The following CARF variants were observed in gnomAD, a reference collection of about 807,000 sequenced individuals.
CARF encodes the protein calcium-responsive transcription factor.
Under a neutral mutation model 82.0 loss-of-function variants are expected in CARF, and 57 were observed. That is an observed-to-expected ratio of 0.70 (90% CI 0.56 to 0.87). The LOEUF (loss-of-function observed/expected upper bound fraction) is 0.87, where lower values mean the gene tolerates loss of function less well. Among genes scored for constraint, CARF ranks in the 40% least tolerant of loss-of-function variants. CARF has a pLI of 0.00. For missense variants in CARF, 771 were observed against 855.8 expected (o/e 0.90, Z 1.24); for synonymous variants, 268 against 290.1 (o/e 0.92, Z 0.77).
In CARF at chr2:202,955,005, C is replaced by T. The variant is rs1424946023; in HGVS notation, c.558-669C>T. On this transcript the variant is annotated intron_variant, in intron 7 of 16. Transcript: ENST00000438828. Reference sequence around the variant, plus strand: ...CTCCAGCCTGGGTGACAGAGCGAGACGCTGTCTCGAAAAAAAAAAAAAATT... The same window carrying T: ...CTCCAGCCTGGGTGACAGAGCGAGATGCTGTCTCGAAAAAAAAAAAAAATT... 3.3e-5 allele frequency among the ~76,000 whole-genome samples: 5 copies of T among 150,476 alleles called. No individual in the cohort carries two copies. In the South Asian group the frequency reaches 6.3e-4, roughly 19 times the overall value.
rs1559175389 is a variant in CARF, at chr2:202,916,268, C to T, written c.-329-1609C>T. Among the ~76,000 whole-genome samples, 6 of 152,040 alleles carry T rather than the reference C, an allele frequency of 3.9e-5. No homozygotes were observed. The South Asian group carries it at 1.0e-3, about 26-fold the overall frequency. ...CAATCTTGGCTCCCTGCGACCTGTG[C>T]TTCCCAGGTTCAAGCGATTCTCCTG... is the stretch of plus-strand genomic sequence containing the variant. On this transcript the variant is annotated intron_variant, in intron 1 of 16. Coordinates refer to ENST00000438828, the MANE Select transcript of CARF (RefSeq NM_024744.17).
chr2:202,955,661 T>C lies in CARF; in HGVS notation c.558-13T>C. The stretch of plus-strand genomic sequence containing the variant: ...TGAACTGCATATTTATATATATTCC[T>C]CTCCTATCCCAGAATGCTGGAAGAA... On this transcript the variant is annotated splice_polypyrimidine_tract_variant and intron_variant, in intron 7 of 16. Transcript: ENST00000438828. 2 of 1,591,936 alleles carry C rather than the reference T, an allele frequency of 1.3e-6. No individual in the cohort carries two copies. Among genetic ancestry groups the C allele is most frequent in the Non-Finnish European group, 1.7e-6 (2 of 1,167,018 alleles).
intron 5 of CARF, among the ~76,000 whole-genome samples, chr2:202,943,272 C>T (rs2058320851): frequency 1.3e-5 from 2 of 152,106 alleles, no homozygotes; most frequent in African/African-American, 4.8e-5. Context: ...CAGGATTTCA[C>T]CATGTTGGCC....
rs1273801586 is a variant in CARF at position 202,955,761 on chromosome 2, G to C, written c.642+3G>C. The C allele has an allele frequency of 5.0e-6, 8 of 1,605,192 alleles. No individual in the cohort carries two copies. The African/African-American group carries it at 1.1e-4, about 22-fold the overall frequency. Reference sequence around the variant, plus strand: ...CCTGCCGTCTTAGGAGCTGTGAGGTGAGTTATAAATAATCATTACCTAGAA... The same window carrying C: ...CCTGCCGTCTTAGGAGCTGTGAGGTCAGTTATAAATAATCATTACCTAGAA... On this transcript the variant is annotated splice_donor_region_variant and intron_variant, in intron 8 of 16. Coordinates refer to ENST00000438828, the MANE Select transcript of CARF (RefSeq NM_024744.17).
chr2:202,955,785 A>G, intron 8 of CARF, 27 bp downstream of exon 8: 2 of 1,561,446 alleles, frequency 1.3e-6, no homozygotes, highest in Non-Finnish European at 1.8e-6. Flanking sequence ...CATTACCTAG[A>G]ATTACTTAAC....
chr2:202,946,825 A>G (rs74734815), intron 5 of CARF, among the ~76,000 whole-genome samples: 1 of 152,206 alleles, frequency 6.6e-6, no homozygotes, highest in Middle Eastern at 3.2e-3. Context: ...GGCAAAGGAT[A>G]TGAAAAGACA....
chr2:202,924,850 C>G (rs1266173567), intron 3 of CARF: 1 of 194,686 alleles, frequency 5.1e-6, no homozygotes, highest in Non-Finnish European at 1.1e-5. Flanking sequence ...CACAGTGACC[C>G]AGAGCCTCCC....
intron 3 of CARF, among the ~76,000 whole-genome samples, chr2:202,930,301 CT>C (rs1250905351): frequency 6.6e-6 from 1 of 152,232 alleles, no homozygotes; most frequent in East Asian, 1.9e-4. Context: ...CCTGCCTTGG[CT>C]TTCCAAAGTG....
At chr2:202,942,666 T>C in intron 4 of CARF, 74 bp from the exon 5 acceptor site, 3 of 1,200,966 alleles carry the variant, frequency 2.5e-6, no homozygotes, top group Non-Finnish European at 3.4e-6. Flanking sequence ...AATGGATGTC[T>C]TTTCATTTTT....
chr2:202,916,179 T>C (rs1012917983), intron 1 of CARF, among the ~76,000 whole-genome samples: 2 of 151,604 alleles, frequency 1.3e-5, no homozygotes, highest in Non-Finnish European at 2.9e-5. Flanking sequence ...TATTTATTTA[T>C]TTATTTATTT....
At chr2:202,982,478 C>A (rs751894102) in intron 16 of CARF, 37 bp downstream of exon 16, 4 of 1,606,234 alleles carry the variant, frequency 2.5e-6, no homozygotes, top group Non-Finnish European at 1.7e-6. Flanking sequence ...ATTGTTGTAA[C>A]CTTTGTGGAT....
intron 1 of CARF, among the ~76,000 whole-genome samples, chr2:202,914,256 T>G (rs1430419965): frequency 1.3e-5 from 2 of 152,204 alleles, no homozygotes; most frequent in Non-Finnish European, 2.9e-5. Flanking sequence ...TACATTTCTC[T>G]TTATTATAAA....
Position 202,971,499 on chromosome 2 carries a change from T to G in CARF, c.1098-6T>G, listed in dbSNP as rs775048637. The G allele has an allele frequency of 1.3e-6, 2 of 1,524,622 alleles. No homozygotes were observed. The highest frequency in any genetic ancestry group is 3.5e-5 in the Admixed American group (2 of 57,424). The allele number at this position is 1,524,622 out of a possible 1,614,324, so 94.4% of individuals were successfully genotyped here. On this transcript the variant is annotated splice_polypyrimidine_tract_variant and splice_region_variant and intron_variant, in intron 11 of 16. Transcript: ENST00000438828. ...TTTAGTAATTTTAAATATTTTCTCT[T>G]ACCAGGTGGTATGTACAGTTACCTA...
intron 9 of CARF, among the ~76,000 whole-genome samples, chr2:202,964,732 T>C (rs1260279059): frequency 2.0e-5 from 3 of 151,978 alleles, no homozygotes; most frequent in Non-Finnish European, 2.9e-5. Flanking sequence ...CAATCTTGTC[T>C]CATACCCCTT....
Position 202,953,222 on chromosome 2 carries a change from G to A in CARF, c.427+543G>A, listed in dbSNP as rs575915370. The stretch of plus-strand genomic sequence containing the variant: ...GTAGAGACGAGGCTTCACCATGTTG[G>A]CCAGACTGGTCTTGAACTCCTGACC... On this transcript the variant is annotated intron_variant, in intron 6 of 16. Coordinates refer to ENST00000438828, the MANE Select transcript of CARF (RefSeq NM_024744.17). Among the ~76,000 whole-genome samples the A allele has an allele frequency of 3.9e-5, 6 of 152,092 alleles. No homozygotes were observed. In the South Asian group the frequency reaches 1.0e-3, roughly 26 times the overall value.
chr2:202,973,295 T>C (rs975033434), intron 12 of CARF, among the ~76,000 whole-genome samples: 1 of 152,212 alleles, frequency 6.6e-6, no homozygotes, highest in Non-Finnish European at 1.5e-5. Flanking sequence ...GTAAAGCCAT[T>C]CACTATTTAC....
rs139715346 is a variant in CARF at position 202,934,179 on chromosome 2, A to T, written c.-43-7681A>T. Among the ~76,000 whole-genome samples, 14 of 152,156 alleles carry T rather than the reference A, an allele frequency of 9.2e-5. 1 individual carries two copies. The East Asian group carries it at 2.7e-3, about 29-fold the overall frequency. ...GGACAAGCTTAGTTTAAAGGCTATA[A>T]ATTTCCCTTGAAATTTTATATTAGC... is the stretch of plus-strand genomic sequence containing the variant. On this transcript the variant is annotated intron_variant, in intron 3 of 16. Transcript: ENST00000438828.
intron 1 of CARF, among the ~76,000 whole-genome samples, chr2:202,913,522 T>C (rs188409771): frequency 0.045 from 6,922 of 152,252 alleles, 219 homozygotes; most frequent in Non-Finnish European, 0.069. Context: ...AATAGCCACA[T>C]TGAGTGGAGG....
intron 5 of CARF, among the ~76,000 whole-genome samples, chr2:202,952,291 A>G (rs966593859): frequency 1.1e-4 from 17 of 152,204 alleles, no homozygotes; most frequent in African/African-American, 4.1e-4. Flanking sequence ...ATTAGACTTC[A>G]TCCATGTGTA....
Sources: gnomAD v4.1 joint callset for allele counts (sites outside exome capture counted in the v4.1 genomes callset) on GRCh38, gnomAD v4.1.1 for gene constraint, MANE v1.5 for transcripts, NCBI Gene and HGNC (gene_info 2026-07-23, HGNC 2026-07-21) for gene names.